The following PPM1L variants were observed in gnomAD, a reference collection of about 807,000 sequenced individuals.
PPM1L encodes protein phosphatase, Mg2+/Mn2+ dependent 1L, also known as protein phosphatase 1L.
PPM1L carries 13 observed loss-of-function variants against 31.4 expected under a neutral mutation model. The observed-to-expected ratio is 0.41, with a 90% confidence interval of 0.27 to 0.66. PPM1L has a LOEUF of 0.66. Ranked by LOEUF, PPM1L falls within the 30% of genes least tolerant of loss-of-function variation. The pLI is 0.29. For synonymous variants in PPM1L, 184 were observed against 175.4 expected, an observed-to-expected ratio of 1.05 and a Z score of -0.39; for missense variants, 326 against 453.7, an observed-to-expected ratio of 0.72 and a Z score of 2.56.
chr3:160,790,953 T>G (rs1712087351), intron 1 of PPM1L, among the ~76,000 whole-genome samples: 1 of 152,180 alleles, frequency 6.6e-6, no homozygotes, highest in Non-Finnish European at 1.5e-5. Flanking sequence ...TCAGGTTGTA[T>G]TTGTACAGTG....
Position 160,774,206 on chromosome 3 carries a change from G to A in PPM1L, c.399+17499G>A, listed in dbSNP as rs573338748. 3.9e-5 allele frequency among the ~76,000 whole-genome samples: 6 copies of A among 151,914 alleles called. No individual in the cohort carries two copies. In the South Asian group the frequency reaches 1.0e-3, roughly 26 times the overall value. The stretch of plus-strand genomic sequence containing the variant: ...GGTCGTGCCTTTATTCTCTCAGTCC[G>A]CCACTCCTGAAGCTGCTGTGTCATG... On this transcript the variant is annotated intron_variant, in intron 1 of 3. Transcript: ENST00000498165.
At chr3:160,830,499 G>T (rs1420223048) in intron 1 of PPM1L, among the ~76,000 whole-genome samples, 1 of 152,152 alleles carries the variant, frequency 6.6e-6, no homozygotes, top group Non-Finnish European at 1.5e-5. Context: ...ACCGTACCCT[G>T]AAAATTTAGG....
intron 1 of PPM1L, among the ~76,000 whole-genome samples, chr3:160,920,615 T>TCACACACACACACACACACACACTCA (rs1714366859): frequency 7.0e-5 from 2 of 28,662 alleles, no homozygotes; most frequent in South Asian, 7.9e-4. Context: ...TCTCTCTCTC[T>TCACACACACACACACACACACACTCA]CACACACACA....
At chr3:160,949,195 G>A (rs1429851525) in intron 1 of PPM1L, among the ~76,000 whole-genome samples, 1 of 152,116 alleles carries the variant, frequency 6.6e-6, no homozygotes, top group African/African-American at 2.4e-5. Flanking sequence ...CCCTGTCCTA[G>A]TGCCCTTCCC....
At chr3:160,911,607 C>G (rs1576708079) in intron 1 of PPM1L, among the ~76,000 whole-genome samples, 1 of 152,278 alleles carries the variant, frequency 6.6e-6, no homozygotes, top group East Asian at 1.9e-4. Context: ...CCTTGGATTC[C>G]TGCCATTCCT....
chr3:161,045,923 AAC>A (rs925713773), intron 2 of PPM1L, among the ~76,000 whole-genome samples: 19 of 151,498 alleles, frequency 1.3e-4, no homozygotes, highest in African/African-American at 4.6e-4. Context: ...CGTCCTGGCT[AAC>A]ACAGTGAAAC....
intron 1 of PPM1L, among the ~76,000 whole-genome samples, chr3:160,881,012 A>T (rs1712692594): frequency 6.6e-6 from 1 of 152,188 alleles, no homozygotes; most frequent in Non-Finnish European, 1.5e-5. Flanking sequence ...TTTTATGGTA[A>T]TGTTTTAAAT....
chr3:160,980,357 A>G (rs1378436587), intron 2 of PPM1L, among the ~76,000 whole-genome samples: 1 of 152,050 alleles, frequency 6.6e-6, no homozygotes, highest in Non-Finnish European at 1.5e-5. Context: ...TTGTGATATT[A>G]TACTTAATGG....
At chr3:160,944,733 G>A (rs1433580127) in intron 1 of PPM1L, among the ~76,000 whole-genome samples, 1 of 98,674 alleles carries the variant, frequency 1.0e-5, no homozygotes, top group African/African-American at 3.1e-5. Context: ...TATATAACAT[G>A]TTATATATTA....
chr3:160,788,087 G>A (rs565624739), intron 1 of PPM1L, among the ~76,000 whole-genome samples: 12 of 152,128 alleles, frequency 7.9e-5, no homozygotes, highest in Admixed American at 2.6e-4. Flanking sequence ...GGATTGCTTT[G>A]GCTATTGTGG....
At chr3:161,065,692 G>A (rs1719718269) in intron 3 of PPM1L, 128 bp downstream of exon 3, 1 of 692,096 alleles carries the variant, frequency 1.4e-6, no homozygotes, top group Non-Finnish European at 2.3e-6. Flanking sequence ...AGGTAACTGA[G>A]ATTGACTTTG....
At chr3:160,873,522 T>C (rs1712393332) in intron 1 of PPM1L, among the ~76,000 whole-genome samples, 1 of 151,938 alleles carries the variant, frequency 6.6e-6, no homozygotes, top group Non-Finnish European at 1.5e-5. Context: ...GTGTTAGAAT[T>C]GGACCTTGCT....
At chr3:160,814,560 TATGTATGTATGTGTATATATATACAC>T (rs1712915238) in intron 1 of PPM1L, among the ~76,000 whole-genome samples, 1 of 100,302 alleles carries the variant, frequency 1.0e-5, no homozygotes, top group African/African-American at 4.1e-5. Context: ...CACACACACA[TATGTATGTATGTGTATATATATACAC>T]ACACATATGT....
chr3:160,875,080 C>T (rs1712458447), intron 1 of PPM1L, among the ~76,000 whole-genome samples: 1 of 152,144 alleles, frequency 6.6e-6, no homozygotes, highest in Non-Finnish European at 1.5e-5. Context: ...CCTTTGCATT[C>T]ATTTTGCATA....
chr3:160,902,882 G>C (rs897461412), intron 1 of PPM1L, among the ~76,000 whole-genome samples: 2 of 152,078 alleles, frequency 1.3e-5, no homozygotes, highest in Non-Finnish European at 1.5e-5. Context: ...CTGAGTGCTG[G>C]AATCTGCAAA....
chr3:161,000,423 T>C (rs997285187), intron 2 of PPM1L, among the ~76,000 whole-genome samples: 1 of 152,134 alleles, frequency 6.6e-6, no homozygotes, highest in Admixed American at 6.6e-5. Flanking sequence ...GAAGAAGCAA[T>C]TCAAGAGCAT....
chr3:160,821,728 T>C (rs1713207697), intron 1 of PPM1L, among the ~76,000 whole-genome samples: 1 of 152,028 alleles, frequency 6.6e-6, no homozygotes, highest in Non-Finnish European at 1.5e-5. Flanking sequence ...TTTTTACTGA[T>C]TTTTTTCCTT....
At chr3:160,887,573 C>CTTTTTTTTTTTTTTT (rs58869949) in intron 1 of PPM1L, among the ~76,000 whole-genome samples, 1 of 142,622 alleles carries the variant, frequency 7.0e-6, no homozygotes, top group Non-Finnish European at 1.5e-5. Context: ...TAATATTCAA[C>CTTTTTTTTTTTTTTT]TTTTTTTTTT....
intron 1 of PPM1L, among the ~76,000 whole-genome samples, chr3:160,957,609 G>C (rs1346509043): frequency 7.2e-6 from 1 of 138,158 alleles, no homozygotes; most frequent in East Asian, 2.0e-4. Context: ...ACGGAGTGTC[G>C]CTCTGTCGCC....
Sources: allele counts gnomAD v4.1 joint callset (sites outside exome capture counted in the v4.1 genomes callset), GRCh38; gene constraint gnomAD v4.1.1; transcripts MANE v1.5; gene names NCBI Gene and HGNC (gene_info 2026-07-23, HGNC 2026-07-21).